Variants in PPP2R5C observed in about 807,000 individuals in gnomAD.
PPP2R5C encodes protein phosphatase 2 regulatory subunit B'gamma, also known as serine/threonine-protein phosphatase 2A 56 kDa regulatory subunit gamma isoform.
In PPP2R5C, 7 loss-of-function variants were observed where a neutral mutation model predicts 68.9. The ratio of observed to expected loss-of-function variants is 0.10; its 90% CI spans 0.06 to 0.19. PPP2R5C has a LOEUF of 0.19. Among genes scored for constraint, PPP2R5C ranks in the 10% least tolerant of loss-of-function variants. PPP2R5C has a pLI of 1.00. For synonymous variants in PPP2R5C, 210 were observed against 222.2 expected (o/e 0.95, Z 0.49); for missense variants, 348 against 641.3 (o/e 0.54, Z 4.94).
chr14:101,857,304 G>A (rs1345355123), intron 2 of PPP2R5C, among the ~76,000 whole-genome samples: 1 of 152,220 alleles, frequency 6.6e-6, no homozygotes, highest in African/African-American at 2.4e-5. Flanking sequence ...GGATGGAGTT[G>A]AAATATTGAC....
At chr14:101,838,629 TGTGCCTCCCA>T (rs1329686547) in intron 1 of PPP2R5C, among the ~76,000 whole-genome samples, 1 of 152,264 alleles carries the variant, frequency 6.6e-6, no homozygotes, top group East Asian at 1.9e-4. Context: ...AGCAAAGCAC[TGTGCCTCCCA>T]GGCACATGAT....
chr14:101,829,574 A>T (rs2040611061), intron 1 of PPP2R5C, among the ~76,000 whole-genome samples: 1 of 152,196 alleles, frequency 6.6e-6, no homozygotes, highest in African/African-American at 2.4e-5. Context: ...CTTTACTTTT[A>T]ACTGAGCATT....
intron 3 of PPP2R5C, among the ~76,000 whole-genome samples, chr14:101,788,776 G>A (rs879506534): frequency 2.0e-5 from 3 of 152,080 alleles, no homozygotes; most frequent in Non-Finnish European, 4.4e-5. Flanking sequence ...ACCTAGTTCA[G>A]AAAAATAATA....
chr14:101,834,284 C>T (rs1486274183), intron 1 of PPP2R5C, among the ~76,000 whole-genome samples: 1 of 152,144 alleles, frequency 6.6e-6, no homozygotes, highest in Non-Finnish European at 1.5e-5. Context: ...TCCGGTTCTC[C>T]TGTCTGCACA....
rs183350272 is a variant in PPP2R5C, at chr14:101,795,656, C to G, written c.259+9473C>G. ...TATTATCGGCTAACTAACTAGAGAC[C>G]CTGGGGCAAAAGAGTTGCCGAGTAT... On this transcript the variant is annotated intron_variant, in intron 3 of 14. Transcript: ENST00000328724. 1.6e-3 allele frequency among the ~76,000 whole-genome samples: 243 copies of G among 151,990 alleles called. 3 individuals carry two copies. The highest frequency in any genetic ancestry group is 1.9e-3 in the East Asian group (10 of 5,184).
rs368861434 is a variant in PPP2R5C at position 101,906,482 on chromosome 14, C to G, written c.1104C>G (p.Pro368=). The change falls in exon 10 of 14, where the codon CCC becomes CCG. Residue 368 remains proline (P), a synonymous_variant. Coordinates refer to ENST00000334743, the Ensembl canonical transcript of PPP2R5C. This position sits in a 1 kb window ranked among gnomAD's most constrained non-coding sequence, Gnocchi z 4.0. ...GTGACAACGCAGCGAAGATTCTGCC[C>G]ATCATGTTTCCTTCCTTGTACCGCA... 10 of 1,613,454 alleles carry G rather than the reference C, an allele frequency of 6.2e-6. No individual in the cohort carries two copies. The highest frequency in any genetic ancestry group is 8.5e-6 in the Non-Finnish European group (10 of 1,179,860).
intron 2 of PPP2R5C, among the ~76,000 whole-genome samples, chr14:101,860,919 G>A (rs1377578193): frequency 6.6e-6 from 1 of 152,170 alleles, no homozygotes; most frequent in African/African-American, 2.4e-5. Flanking sequence ...GATGCGGGTG[G>A]TGAGGAGCAA....
chr14:101,875,345 A>G (rs1278797549), intron 2 of PPP2R5C, among the ~76,000 whole-genome samples: 1 of 152,224 alleles, frequency 6.6e-6, no homozygotes, highest in Non-Finnish European at 1.5e-5. Flanking sequence ...CCACCCAGTC[A>G]TACTTGAGAT....
At chr14:101,845,625 G>A (rs934903616) in intron 1 of PPP2R5C, among the ~76,000 whole-genome samples, 16 of 152,202 alleles carry the variant, frequency 1.1e-4, no homozygotes, top group Non-Finnish European at 1.8e-4. Context: ...GGATGATGGG[G>A]TTGGTGGTAG....
At chr14:101,786,910 A>G (rs74421261) in intron 3 of PPP2R5C, among the ~76,000 whole-genome samples, 3,381 of 152,314 alleles carry the variant, frequency 0.022, 34 homozygotes, top group Non-Finnish European at 0.035. Flanking sequence ...AACATTTTTC[A>G]TACCTTAAAT....
chr14:101,784,671 G>A (rs1289425249), intron 2 of PPP2R5C, among the ~76,000 whole-genome samples: 2 of 152,196 alleles, frequency 1.3e-5, no homozygotes, highest in Non-Finnish European at 2.9e-5. Flanking sequence ...TGAGATTTGG[G>A]TGGGGACACA....
intron 1 of PPP2R5C, among the ~76,000 whole-genome samples, chr14:101,840,482 CAAAAAAAAAAAAA>C (rs10611025): frequency 0.2 from 10,490 of 52,102 alleles, 630 homozygotes; most frequent in South Asian, 0.28. Flanking sequence ...CCCCCACCAC[CAAAAAAAAAAAAA>C]AAAAAAAAAA....
At chr14:101,918,521 C>CT (rs2046822824) in intron 13 of PPP2R5C, among the ~76,000 whole-genome samples, 8 of 29,964 alleles carry the variant, frequency 2.7e-4, no homozygotes, top group South Asian at 1.9e-3. Flanking sequence ...CCCCTCGCCC[C>CT]CCTCATCCCC....
rs2044040022 is a variant in PPP2R5C, at chr14:101,879,802, G to A, written c.295-2359G>A. Reference sequence around the variant, plus strand: ...TGCCACACTCCCCGTAGGAGCTAAAGACTCAATTCAGACTTTCCTTTCTCT... The same window carrying A: ...TGCCACACTCCCCGTAGGAGCTAAAAACTCAATTCAGACTTTCCTTTCTCT... On this transcript the variant is annotated intron_variant, in intron 2 of 13. Transcript: ENST00000334743. The surrounding 1 kb of genome is among the most constrained non-coding windows in gnomAD (Gnocchi z 4.2). 6.6e-6 allele frequency among the ~76,000 whole-genome samples: 1 copy of A among 152,254 alleles called. No individual in the cohort carries two copies. Among genetic ancestry groups the A allele is most frequent in the Non-Finnish European group, 1.5e-5 (1 of 68,044 alleles).
intron 2 of PPP2R5C, among the ~76,000 whole-genome samples, chr14:101,872,711 A>T (rs924035723): frequency 3.9e-5 from 6 of 151,954 alleles, no homozygotes; most frequent in African/African-American, 1.5e-4. Context: ...GAGCTTTCAC[A>T]GTTGTCTCTT....
intron 2 of PPP2R5C, among the ~76,000 whole-genome samples, chr14:101,867,042 C>A (rs143956849): frequency 1.3e-5 from 2 of 152,212 alleles, no homozygotes; most frequent in East Asian, 3.9e-4. Flanking sequence ...CGTGGTGGAA[C>A]CCTGTCTCTA....
intron 1 of PPP2R5C, among the ~76,000 whole-genome samples, chr14:101,846,252 C>T (rs930069015): frequency 6.6e-6 from 1 of 152,186 alleles, no homozygotes; most frequent in African/African-American, 2.4e-5. Context: ...ATTTAGAAAC[C>T]TGAGCAGAGG....
upstream of PPP2R5C, chr14:101,761,714 C>A (rs1461130711): frequency 5.6e-6 from 4 of 717,606 alleles, no homozygotes; most frequent in South Asian, 6.0e-5. Flanking sequence ...CCGCCGCCGC[C>A]GTGGCTGCCG....
chr14:101,836,365 CCTT>C (rs1182470938), intron 1 of PPP2R5C: 4 of 702,256 alleles, frequency 5.7e-6, no homozygotes, highest in Non-Finnish European at 1.0e-5. Flanking sequence ...TCTCCCCTGC[CCTT>C]CTGCCTCTAC....
Sources: allele counts gnomAD v4.1 joint callset (sites outside exome capture counted in the v4.1 genomes callset), GRCh38; gene constraint gnomAD v4.1.1; non-coding constraint Gnocchi (gnomAD v3.1); transcripts MANE v1.5; gene names NCBI Gene and HGNC (gene_info 2026-07-23, HGNC 2026-07-21).